TNRC18: variants seen among roughly 807,000 people sequenced by gnomAD.
TNRC18 encodes trinucleotide repeat containing 18.
A neutral mutation model predicts 226.7 loss-of-function variants in TNRC18; 69 were observed. That is an observed-to-expected ratio of 0.30 (90% CI 0.25 to 0.37). The LOEUF is 0.37. Ranked by LOEUF, TNRC18 falls within the 10% of genes least tolerant of loss-of-function variation. The probability of loss-of-function intolerance (pLI) is 1.00; values close to 1 mark genes in which losing one functional copy is unlikely to be tolerated. For missense variants in TNRC18, 4,754 were observed against 4,256.6 expected (o/e 1.12, Z -3.25); for synonymous variants, 2,449 against 1,927.6 (o/e 1.27, Z -7.09).
intron 16 of TNRC18, among the ~76,000 whole-genome samples, chr7:5,356,176 AAAAAAAAAG>A (rs1436869400): frequency 1.8e-4 from 26 of 144,750 alleles, no homozygotes; most frequent in African/African-American, 6.2e-4. Flanking sequence ...ATTAAAAAAA[AAAAAAAAAG>A]AAAGAAAATA....
At chr7:5,355,200 G>A (rs901682471) in intron 16 of TNRC18, among the ~76,000 whole-genome samples, 3 of 152,250 alleles carry the variant, frequency 2.0e-5, no homozygotes, top group African/African-American at 7.2e-5. Flanking sequence ...TACTGAGCAA[G>A]CACCCACTAC....
chr7:5,355,893 C>G (rs550280098), intron 16 of TNRC18, among the ~76,000 whole-genome samples: 1 of 151,778 alleles, frequency 6.6e-6, no homozygotes, highest in East Asian at 2.0e-4. Flanking sequence ...ACGCACGGCA[C>G]AGTAGCTCAC....
In TNRC18 at chr7:5,411,326, A is replaced by C. The variant is rs974418031; in HGVS notation, c.187+9734T>G. Among the ~76,000 whole-genome samples, 27 of 151,894 alleles carry C rather than the reference A, an allele frequency of 1.8e-4. 1 individual carries two copies. Among genetic ancestry groups the C allele is most frequent in the Non-Finnish European group, 2.9e-5 (2 of 67,970 alleles). ...TCATATTCCTGAAAAGTAGCAGTCG[A>C]ATATGGAAGGTGATGTTGCAATTCT... is the stretch of plus-strand genomic sequence containing the variant. On this transcript the variant is annotated intron_variant, in intron 2 of 29. Transcript: ENST00000430969.
intron 15 of TNRC18, among the ~76,000 whole-genome samples, chr7:5,358,061 A>T (rs1792638388): frequency 6.6e-6 from 1 of 152,134 alleles, no homozygotes; most frequent in Non-Finnish European, 1.5e-5. Context: ...CAAGATCAAA[A>T]ACCCAGATTG....
chr7:5,370,953 G>A lies in TNRC18; in HGVS notation c.3641C>T (p.Ala1214Val), dbSNP rs766769557. 2 of 1,605,240 alleles carry A rather than the reference G, an allele frequency of 1.2e-6. No individual in the cohort carries two copies. Among genetic ancestry groups the A allele is most frequent in the African/African-American group, 2.7e-5 (2 of 75,048 alleles). The change falls in exon 11 of 30, where the codon GCA becomes GTA. Residue 1214 changes from alanine to valine, a missense_variant. Ala to Val is a moderately conservative substitution (Grantham distance 64). Transcript: ENST00000430969. Reference protein sequence around the residue: ...QALSATGQSCAEPSECPDFVE... With the variant: ...QALSATGQSCVEPSECPDFVE... Reference sequence around the variant, plus strand: ...AAAGTCTGGACACTCAGAGGGCTCTGCGCAGCTCTGCCCGGTGGCACTCAG... The same window carrying A: ...AAAGTCTGGACACTCAGAGGGCTCTACGCAGCTCTGCCCGGTGGCACTCAG...
rs938235856 is a variant in TNRC18, at chr7:5,364,749, A to G, written c.4220-1924T>C. Among the ~76,000 whole-genome samples, 110 of 139,740 alleles carry G rather than the reference A, an allele frequency of 7.9e-4. 1 individual carries two copies. Among genetic ancestry groups the G allele is most frequent in the Middle Eastern group, 7.3e-3 (2 of 274 alleles). 91.7% of individuals were successfully genotyped at this position (139,740 alleles called of 152,430 possible). ...AACCCAGGAGGCAGAGGTTGCGGGG[A>G]GGCATGATAGCCCCACTGTACCCCA... On this transcript the variant is annotated intron_variant, in intron 11 of 29. Coordinates refer to ENST00000430969, the MANE Select transcript of TNRC18 (RefSeq NM_001080495.3).
At chr7:5,328,840 T>C (rs1562499048) in intron 19 of TNRC18, among the ~76,000 whole-genome samples, 1 of 151,986 alleles carries the variant, frequency 6.6e-6, no homozygotes, top group African/African-American at 2.4e-5. Context: ...AAAGAAAAAT[T>C]AGCAAGGTGT....
At chr7:5,315,416 GTTTTTT>G (rs10601250) in intron 25 of TNRC18, among the ~76,000 whole-genome samples, 2 of 147,520 alleles carry the variant, frequency 1.4e-5, no homozygotes, top group African/African-American at 2.5e-5. Flanking sequence ...CTTTTGTTGG[GTTTTTT>G]TTTTTTTTTT....
Position 5,316,597 on chromosome 7 carries a change from C to A in TNRC18, c.6746-525G>T, listed in dbSNP as rs1583745479. Among the ~76,000 whole-genome samples the A allele has an allele frequency of 3.3e-5, 5 of 152,178 alleles. No individual in the cohort carries two copies. The East Asian group carries it at 9.7e-4, about 29-fold the overall frequency. The stretch of plus-strand genomic sequence containing the variant: ...TCTGGCCTGGGTCTCCCATTTCTAG[C>A]TGACTTTGGGTGACACAAGACAGCT... On this transcript the variant is annotated intron_variant, in intron 24 of 29. Transcript: ENST00000430969.
At position 5,377,558 on chromosome 7, in the gene TNRC18, A is replaced by G. The variant is rs771195245; in HGVS notation, c.2274T>C (p.Ala758=). 4.4e-5 allele frequency: 69 copies of G among 1,584,354 alleles called. No homozygotes were observed. The highest frequency in any genetic ancestry group is 5.7e-5 in the Non-Finnish European group (66 of 1,165,722). ...EKLLRESKEL[A]DLARLHPTSC... Reference sequence around the variant, plus strand: ...TGGTAGGGTGCAGGCGGGCCAGGTCAGCCAGCTCCTTACTCTCTCTGGAAG... The same window carrying G: ...TGGTAGGGTGCAGGCGGGCCAGGTCGGCCAGCTCCTTACTCTCTCTGGAAG... The change falls in exon 7 of 30, where the codon GCT becomes GCC. Residue 758 remains alanine (A), a synonymous_variant. Coordinates refer to ENST00000430969, the MANE Select transcript of TNRC18 (RefSeq NM_001080495.3). This position sits in a 1 kb window ranked among gnomAD's most constrained non-coding sequence, Gnocchi z 5.8.
Position 5,324,832 on chromosome 7 carries a change from C to T in TNRC18, c.6300+264G>A, listed in dbSNP as rs972873347. On this transcript the variant is annotated intron_variant, in intron 20 of 29. Coordinates refer to ENST00000430969, the MANE Select transcript of TNRC18 (RefSeq NM_001080495.3). This position sits in a 1 kb window ranked among gnomAD's most constrained non-coding sequence, Gnocchi z 4.8. ...TGAGGACCTGGTGCTGGGCTGGGGG[C>T]CTGTCACCCAGGTCTCCTGGTCTCT... 2.6e-5 allele frequency among the ~76,000 whole-genome samples: 4 copies of T among 152,194 alleles called. No homozygotes were observed. Among genetic ancestry groups the T allele is most frequent in the African/African-American group, 9.7e-5 (4 of 41,442 alleles).
At position 5,388,499 on chromosome 7, in the gene TNRC18, G is replaced by A. The variant is rs1272952579; in HGVS notation, c.1325C>T (p.Ala442Val). The A allele has an allele frequency of 2.2e-6, 3 of 1,338,120 alleles. No individual in the cohort carries two copies. Among genetic ancestry groups the A allele is most frequent in the South Asian group, 1.7e-5 (1 of 58,306 alleles). The allele number at this position is 1,338,120 out of a possible 1,614,324, so 82.9% of individuals were successfully genotyped here. Residue 442 changes from alanine to valine, a missense_variant, in exon 5 of 30, where the codon GCG becomes GTG. Physicochemically the swap from Ala to Val is moderately conservative, Grantham distance 64. Coordinates refer to ENST00000430969, the MANE Select transcript of TNRC18 (RefSeq NM_001080495.3). ...TGTGGCCCGCACCGTGGGGGCATCCGCGGGGGGCGGCCGCTTGAGCGAGCG... is the reference window on the plus strand; with the variant it reads ...TGTGGCCCGCACCGTGGGGGCATCCACGGGGGGCGGCCGCTTGAGCGAGCG... Reference protein sequence around the residue: ...VIRSLKRPPPADAPTVRATRA... With the variant: ...VIRSLKRPPPVDAPTVRATRA...
rs146123998 is a variant in TNRC18, at chr7:5,352,027, G to A, written c.5262C>T (p.Ser1754=). Residue 1754 remains serine (S), a synonymous_variant, in exon 17 of 30, where the codon TCC becomes TCT. Coordinates refer to ENST00000430969, the MANE Select transcript of TNRC18 (RefSeq NM_001080495.3). ...DEWPAQGPSS[S]KLTPSLLCSM... Reference sequence around the variant, plus strand: ...TACACAGGAGGGAAGGCGTCAGTTTGGAGCTGGAGGGGCCTTGGGCGGGCC... The same window carrying A: ...TACACAGGAGGGAAGGCGTCAGTTTAGAGCTGGAGGGGCCTTGGGCGGGCC... The A allele has an allele frequency of 3.3e-4, 529 of 1,613,912 alleles. No homozygotes were observed. In the East Asian group the frequency reaches 0.011, roughly 35 times the overall value.
chr7:5,327,243 G>A (rs185285348), intron 19 of TNRC18, among the ~76,000 whole-genome samples: 75 of 152,258 alleles, frequency 4.9e-4, no homozygotes, highest in African/African-American at 1.5e-3. Flanking sequence ...AAGTCACAGC[G>A]TCCATATCCA....
At chr7:5,357,362 C>A in intron 15 of TNRC18, 86 bp from the exon 16 acceptor site, 1 of 1,406,602 alleles carries the variant, frequency 7.1e-7, no homozygotes, top group South Asian at 1.4e-5. Flanking sequence ...CCAGCCTGGG[C>A]TCCAATCCTT....
intron 24 of TNRC18, among the ~76,000 whole-genome samples, chr7:5,317,316 G>A (rs935359183): frequency 3.3e-5 from 5 of 152,138 alleles, no homozygotes; most frequent in South Asian, 2.1e-4. Context: ...GAGGCCTGGC[G>A]CAGTGGCTCA....
In TNRC18 at chr7:5,312,807, G is replaced by A. The variant is rs906712956; in HGVS notation, c.8084C>T (p.Ala2695Val). The change falls in exon 27 of 30, where the codon GCG (alanine) becomes GTG (valine). Residue 2695 changes from alanine to valine, a missense_variant. Coordinates refer to ENST00000430969, the MANE Select transcript of TNRC18 (RefSeq NM_001080495.3). The surrounding 1 kb of genome is among the most constrained non-coding windows in gnomAD (Gnocchi z 6.3). ...GGCCTTGGTGGGGAGCGCCGCCTGC[G>A]CGGAAGGGCCAGCCGTGGGGGCGGG... is the stretch of plus-strand genomic sequence containing the variant. ...AAPAPTAGPS[A>V]QAALPTKATK... 2.1e-5 allele frequency: 32 copies of A among 1,534,944 alleles called. No individual in the cohort carries two copies. The highest frequency in any genetic ancestry group is 1.5e-4 in the African/African-American group (11 of 72,668).
At position 5,368,697 on chromosome 7, in the gene TNRC18, A is replaced by G. The variant is rs186721208; in HGVS notation, c.4219+1678T>C. The stretch of plus-strand genomic sequence containing the variant: ...AAAAAAAAAAAAAAAAATTTAAGTG[A>G]AAAGGGCAGGGCAGGTTACAGAACA... On this transcript the variant is annotated intron_variant, in intron 11 of 29. Transcript: ENST00000430969. 1.0e-3 allele frequency among the ~76,000 whole-genome samples: 152 copies of G among 152,012 alleles called. 1 individual carries two copies. In the Middle Eastern group the frequency reaches 0.01, roughly 10 times the overall value.
At chr7:5,335,938 G>A (rs1413436768) in intron 18 of TNRC18, among the ~76,000 whole-genome samples, 1 of 151,712 alleles carries the variant, frequency 6.6e-6, no homozygotes, top group African/African-American at 2.4e-5. Flanking sequence ...CATTCACAGT[G>A]GCTCACACCT....
Sources: gnomAD v4.1 joint callset for allele counts (sites outside exome capture counted in the v4.1 genomes callset) on GRCh38, gnomAD v4.1.1 for gene constraint, Gnocchi (gnomAD v3.1) non-coding constraint, MANE v1.5 for transcripts, NCBI Gene and HGNC (gene_info 2026-07-23, HGNC 2026-07-21) for gene names.